Variants in SGCD observed in about 807,000 individuals in gnomAD.
SGCD encodes the protein delta-sarcoglycan.
In SGCD, 18 loss-of-function variants were observed where a neutral mutation model predicts 36.6. The ratio of observed to expected loss-of-function variants is 0.49; its 90% CI spans 0.34 to 0.73. SGCD has a LOEUF of 0.73. Among genes scored for constraint, SGCD ranks in the 30% least tolerant of loss-of-function variants. SGCD has a pLI of 0.01. For synonymous variants in SGCD, 133 were observed against 130.6 expected, an observed-to-expected ratio of 1.02 and a Z score of -0.12; for missense variants, 387 against 346.7, an observed-to-expected ratio of 1.12 and a Z score of -0.92.
chr5:156,003,007 C>T (rs1010969824), intron 1 of SGCD, among the ~76,000 whole-genome samples: 1 of 152,174 alleles, frequency 6.6e-6, no homozygotes, highest in Non-Finnish European at 1.5e-5. Context: ...CAGTTTTTGC[C>T]ATGGTCAAGG....
chr5:156,423,584 T>A lies in SGCD; in HGVS notation c.192+78907T>A, dbSNP rs549728646. ...TCATTTCTTGTTTTGAATGTTACAA[T>A]TTGCATCTTGAGAACACTGCCTGAC... On this transcript the variant is annotated intron_variant, in intron 3 of 8. Transcript: ENST00000337851. 8.9e-4 allele frequency among the ~76,000 whole-genome samples: 134 copies of A among 150,952 alleles called. 3 individuals carry two copies. In the South Asian group the frequency reaches 0.027, roughly 30 times the overall value.
At chr5:155,969,034 C>T (rs1757957648) in intron 1 of SGCD, among the ~76,000 whole-genome samples, 1 of 152,080 alleles carries the variant, frequency 6.6e-6, no homozygotes, top group Admixed American at 6.6e-5. Context: ...GCTGATAATT[C>T]ATCTGTTATG....
At chr5:156,543,357 G>T (rs796646235) in intron 4 of SGCD, among the ~76,000 whole-genome samples, 8 of 152,292 alleles carry the variant, frequency 5.3e-5, no homozygotes, top group African/African-American at 1.7e-4. Context: ...TCATCTAACA[G>T]GTGCTTGCTA....
At chr5:156,283,949 T>C (rs898874865) in intron 3 of SGCD, among the ~76,000 whole-genome samples, 12 of 152,310 alleles carry the variant, frequency 7.9e-5, no homozygotes, top group African/African-American at 2.4e-4. Flanking sequence ...AAATTAACTA[T>C]TCCCAGCTTT....
At chr5:156,683,119 A>C (rs1033289344) in intron 7 of SGCD, among the ~76,000 whole-genome samples, 65 of 152,204 alleles carry the variant, frequency 4.3e-4, no homozygotes, top group Non-Finnish European at 4.4e-5. Flanking sequence ...GCCTTAAAGG[A>C]AACAGATGTC....
intron 2 of SGCD, among the ~76,000 whole-genome samples, chr5:156,121,400 T>C (rs983378855): frequency 1.3e-5 from 2 of 152,132 alleles, no homozygotes; most frequent in Non-Finnish European, 2.9e-5. Flanking sequence ...CTTAGAGAAG[T>C]TGATTATCTT....
chr5:156,470,524 T>A (rs2127827128), intron 3 of SGCD, among the ~76,000 whole-genome samples: 1 of 148,610 alleles, frequency 6.7e-6, no homozygotes, highest in East Asian at 2.0e-4. Context: ...CCCCAGAGTG[T>A]GATGTTCCCC....
At chr5:156,238,040 C>T (rs1212848871) in intron 3 of SGCD, among the ~76,000 whole-genome samples, 1 of 151,702 alleles carries the variant, frequency 6.6e-6, no homozygotes, top group Non-Finnish European at 1.5e-5. Flanking sequence ...TTTGAACCCC[C>T]GAGCTCAAGT....
rs73812208 is a variant in SGCD, at chr5:156,371,654, C to T, written c.192+26977C>T. Among the ~76,000 whole-genome samples the T allele has an allele frequency of 3.7e-3, 556 of 152,266 alleles. 4 individuals are homozygous for T. The highest frequency in any genetic ancestry group is 0.012 in the African/African-American group (518 of 41,550). On this transcript the variant is annotated intron_variant, in intron 3 of 8. Coordinates refer to ENST00000337851, the MANE Select transcript of SGCD (RefSeq NM_000337.6). ...CATCAGCAAACTGCCTTTAGAACCA[C>T]GTTTGTGATACTGACAAACTTACTG...
intron 6 of SGCD, among the ~76,000 whole-genome samples, chr5:156,640,399 A>G (rs2113561793): frequency 7.7e-6 from 1 of 130,048 alleles, no homozygotes; most frequent in East Asian, 2.0e-4. Context: ...AGATAACATC[A>G]CCCCCATTGA....
intron 3 of SGCD, among the ~76,000 whole-genome samples, chr5:156,211,476 C>T (rs1032097037): frequency 1.3e-5 from 2 of 151,864 alleles, no homozygotes; most frequent in South Asian, 2.1e-4. Flanking sequence ...GGCGTGGTGG[C>T]GGGCGCCTGT....
intron 4 of SGCD, among the ~76,000 whole-genome samples, chr5:156,567,703 C>T (rs976224477): frequency 2.0e-5 from 3 of 152,152 alleles, no homozygotes; most frequent in African/African-American, 4.8e-5. Context: ...TAATTGACAA[C>T]GTGAGCTCAG....
In SGCD at chr5:156,070,039, A is replaced by T. The variant is rs570308849; in HGVS notation, c.-281-47839A>T. Among the ~76,000 whole-genome samples, 16 of 151,910 alleles carry T rather than the reference A, an allele frequency of 1.1e-4. 1 individual carries two copies. The highest frequency in any genetic ancestry group is 3.6e-4 in the African/African-American group (15 of 41,198). ...CTTAAGGAGATTTTGGGCTGAGACA[A>T]TGGGGTTTTCTAGATATACAATCAT... On this transcript the variant is annotated intron_variant, in intron 1 of 9. Coordinates refer to the SGCD transcript ENST00000517913.
intron 4 of SGCD, among the ~76,000 whole-genome samples, chr5:156,520,063 A>T (rs558371338): frequency 1.3e-5 from 2 of 152,198 alleles, no homozygotes; most frequent in African/African-American, 2.4e-5. Context: ...ATAGGAAGAG[A>T]GGAAGTCAAA....
intron 1 of SGCD, among the ~76,000 whole-genome samples, chr5:156,111,192 G>A (rs1761777003): frequency 1.3e-5 from 2 of 152,148 alleles, no homozygotes; most frequent in East Asian, 1.9e-4. Context: ...GTGGGTCAAA[G>A]TGCGTATCTT....
At chr5:156,596,403 A>G (rs1380998628) in intron 6 of SGCD, among the ~76,000 whole-genome samples, 1 of 152,178 alleles carries the variant, frequency 6.6e-6, no homozygotes, top group Non-Finnish European at 1.5e-5. Flanking sequence ...GTATAATAGA[A>G]GTATCTATCT....
intron 1 of SGCD, among the ~76,000 whole-genome samples, chr5:155,936,864 T>C (rs541754164): frequency 6.2e-4 from 95 of 152,282 alleles, no homozygotes; most frequent in African/African-American, 2.2e-3. Context: ...CCTCCCATGC[T>C]CCTTGGTGGC....
intron 1 of SGCD, among the ~76,000 whole-genome samples, chr5:155,881,994 C>T (rs1755897385): frequency 6.6e-6 from 1 of 152,186 alleles, no homozygotes; most frequent in Non-Finnish European, 1.5e-5. Flanking sequence ...GTTACTTCTT[C>T]CTCTGAAGTC....
intron 6 of SGCD, among the ~76,000 whole-genome samples, chr5:156,635,487 G>T (rs1762790540): frequency 1.3e-5 from 2 of 152,080 alleles, no homozygotes; most frequent in South Asian, 4.1e-4. Context: ...TGATTCCTCA[G>T]GGATCTAGAA....
Sources: gnomAD v4.1 joint callset for allele counts (sites outside exome capture counted in the v4.1 genomes callset) on GRCh38, gnomAD v4.1.1 for gene constraint, MANE v1.5 for transcripts, NCBI Gene and HGNC (gene_info 2026-07-23, HGNC 2026-07-21) for gene names.